MAN2A1: variants seen among roughly 807,000 people sequenced by gnomAD.
The protein encoded by MAN2A1 is mannosidase alpha class 2A member 1.
MAN2A1 carries 76 observed loss-of-function variants against 142.6 expected under a neutral mutation model. The observed-to-expected ratio is 0.53, with a 90% CI of 0.44 to 0.65. The LOEUF is 0.65. MAN2A1 is among the 30% of genes least tolerant of loss of function. The pLI is 0.00. For synonymous variants in MAN2A1, 559 were observed against 473.2 expected (o/e 1.18, Z -2.35); for missense variants, 1,311 against 1,365.1 (o/e 0.96, Z 0.62).
intron 5 of MAN2A1, among the ~76,000 whole-genome samples, chr5:109,766,474 G>A (rs1752993283): frequency 6.6e-6 from 1 of 152,056 alleles, no homozygotes. Context: ...TGTAGATCCT[G>A]ACTTTTCCTT....
chr5:109,730,056 A>C (rs1223388438), intron 4 of MAN2A1, among the ~76,000 whole-genome samples: 1 of 152,168 alleles, frequency 6.6e-6, no homozygotes, highest in African/African-American at 2.4e-5. Flanking sequence ...AAAGTGGCTT[A>C]ATAGTTTAAA....
chr5:109,845,662 C>T (rs1755326556), intron 17 of MAN2A1, among the ~76,000 whole-genome samples: 1 of 152,130 alleles, frequency 6.6e-6, no homozygotes, highest in African/African-American at 2.4e-5. Context: ...CTACCTTTCC[C>T]ACCTAAAAGT....
chr5:109,721,290 T>C (rs1169107528), intron 3 of MAN2A1, among the ~76,000 whole-genome samples: 2 of 152,348 alleles, frequency 1.3e-5, no homozygotes, highest in Admixed American at 6.5e-5. Flanking sequence ...TAGTTCAAAT[T>C]ATTCTATTTC....
intron 1 of MAN2A1, among the ~76,000 whole-genome samples, chr5:109,692,623 G>T (rs1403967712): frequency 6.6e-6 from 1 of 152,206 alleles, no homozygotes; most frequent in East Asian, 1.9e-4. Context: ...AGCCTTTGTA[G>T]CCCAGGCTCC....
chr5:109,792,288 C>T (rs1020781050), intron 12 of MAN2A1, among the ~76,000 whole-genome samples: 1 of 151,984 alleles, frequency 6.6e-6, no homozygotes, highest in Admixed American at 6.6e-5. Flanking sequence ...TTTTATTATT[C>T]CTTAAATTTC....
At chr5:109,812,612 G>T (rs1754349162) in intron 12 of MAN2A1, among the ~76,000 whole-genome samples, 1 of 151,970 alleles carries the variant, frequency 6.6e-6, no homozygotes, top group African/African-American at 2.4e-5. Context: ...TTAATATGTT[G>T]TCATTGATTA....
chr5:109,715,785 C>T (rs1751436261), intron 2 of MAN2A1, among the ~76,000 whole-genome samples: 1 of 152,000 alleles, frequency 6.6e-6, no homozygotes, highest in Admixed American at 6.5e-5. Context: ...AATCAAATTT[C>T]ATCAGAAATT....
chr5:109,793,519 G>A (rs1753787466), intron 12 of MAN2A1, among the ~76,000 whole-genome samples: 1 of 152,040 alleles, frequency 6.6e-6, no homozygotes, highest in Admixed American at 6.6e-5. Context: ...TGAAAATGTG[G>A]TATCCTGGTA....
intron 9 of MAN2A1, among the ~76,000 whole-genome samples, chr5:109,782,597 G>C (rs544546962): frequency 1.3e-5 from 2 of 152,178 alleles, no homozygotes; most frequent in African/African-American, 4.8e-5. Context: ...TTATATACTA[G>C]TGGACATTGG....
At chr5:109,853,456 A>T (rs72814832) in intron 19 of MAN2A1, 7,889 of 152,330 alleles carry the variant, frequency 0.052, 287 homozygotes, top group Non-Finnish European at 0.071. Context: ...TTTGGTTTGG[A>T]GGATTGGTAT....
At chr5:109,801,853 T>G (rs1410102600) in intron 12 of MAN2A1, among the ~76,000 whole-genome samples, 1 of 152,148 alleles carries the variant, frequency 6.6e-6, no homozygotes, top group Non-Finnish European at 1.5e-5. Context: ...AATTAAAAAT[T>G]TAAAGAGATA....
chr5:109,863,134 G>A (rs1169046314), intron 20 of MAN2A1: 1 of 152,180 alleles, frequency 6.6e-6, no homozygotes, highest in African/African-American at 2.4e-5. Context: ...ATGGACAAAT[G>A]CTTTAGGTTA....
chr5:109,822,143 GT>G (rs930264225), intron 15 of MAN2A1, among the ~76,000 whole-genome samples: 6 of 135,292 alleles, frequency 4.4e-5, no homozygotes, highest in Admixed American at 7.3e-5. Context: ...TTTGTTTTTG[GT>G]TTTTTTTTTG....
intron 8 of MAN2A1, among the ~76,000 whole-genome samples, chr5:109,778,904 T>G (rs1333599409): frequency 6.6e-6 from 1 of 152,134 alleles, no homozygotes; most frequent in Non-Finnish European, 1.5e-5. Context: ...TGACGTGGAA[T>G]AGCCAAGACA....
intron 1 of MAN2A1, among the ~76,000 whole-genome samples, chr5:109,707,119 C>G (rs1466561254): frequency 6.6e-6 from 1 of 152,190 alleles, no homozygotes; most frequent in East Asian, 1.9e-4. Flanking sequence ...ATATTGTATT[C>G]TATTCACCAG....
chr5:109,762,747 C>T (rs1752886855), intron 5 of MAN2A1, among the ~76,000 whole-genome samples: 2 of 152,258 alleles, frequency 1.3e-5, no homozygotes, highest in South Asian at 4.1e-4. Flanking sequence ...TCACTCTTTC[C>T]TCCATCCCAA....
chr5:109,722,893 A>T (rs1438660), intron 3 of MAN2A1, among the ~76,000 whole-genome samples: 56,747 of 151,936 alleles, frequency 0.37, 11,388 homozygotes, highest in African/African-American at 0.53. Flanking sequence ...CAAATAACCA[A>T]GCTCTGTTTG....
chr5:109,854,471 C>T (rs993448128), intron 19 of MAN2A1: 3 of 152,064 alleles, frequency 2.0e-5, no homozygotes, highest in Admixed American at 1.3e-4. Context: ...ACATATTTAA[C>T]ACTTCTACTT....
intron 4 of MAN2A1, among the ~76,000 whole-genome samples, chr5:109,743,737 C>T (rs977142944): frequency 1.4e-4 from 22 of 152,342 alleles, no homozygotes; most frequent in African/African-American, 4.8e-4. Flanking sequence ...CCATTTCCAG[C>T]TGTGCCACTT....
Sources: allele counts gnomAD v4.1 joint callset (sites outside exome capture counted in the v4.1 genomes callset), GRCh38; gene constraint gnomAD v4.1.1; transcripts MANE v1.5; gene names NCBI Gene and HGNC (gene_info 2026-07-23, HGNC 2026-07-21).